Variants in KRT8 observed in about 807,000 individuals in gnomAD.
KRT8 encodes keratin, type II cytoskeletal 8.
A neutral mutation model predicts 43.0 loss-of-function variants in KRT8; 24 were observed. The observed-to-expected ratio is 0.56, with a 90% CI of 0.40 to 0.78. The LOEUF is 0.78. Among genes scored for constraint, KRT8 ranks in the 30% least tolerant of loss-of-function variants. The pLI is 0.00. For missense variants in KRT8, 492 were observed against 638.4 expected (o/e 0.77, Z 2.47); for synonymous variants, 214 against 261.2 (o/e 0.82, Z 1.74).
At chr12:52,907,553 T>A (rs1470783875), upstream of KRT8, among the ~76,000 whole-genome samples, 1 of 152,094 alleles carries the variant, frequency 6.6e-6, no homozygotes, top group Admixed American at 6.5e-5. Context: ...GTTCTAGGAG[T>A]GTCCCTTGTT....
intron 2 of KRT8, chr12:52,949,443 C>T (rs1218729382): frequency 6.2e-7 from 1 of 1,613,194 alleles, no homozygotes; most frequent in South Asian, 1.1e-5. Context: ...TGAACGACCG[C>T]CTGGCCTCTT....
chr12:52,902,803 G>C (rs1347263294), intron 1 of KRT8, among the ~76,000 whole-genome samples: 13 of 152,102 alleles, frequency 8.5e-5, no homozygotes, highest in Non-Finnish European at 1.8e-4. Flanking sequence ...CTTGAAGTCA[G>C]GAGTTCGAGA....
intron 1 of KRT8, chr12:52,903,382 T>A (rs1941423855): frequency 6.6e-6 from 1 of 152,204 alleles, no homozygotes. Context: ...CTGCTCTCTA[T>A]AAGGACCCCA....
At position 52,947,212 on chromosome 12, in the gene KRT8, C is replaced by G. The variant is rs138416673; in HGVS notation, c.-47+2244G>C. ...GGGATGGTCATTCAGCTTCAGGGGG[C>G]AGGCAGCATGAAAGCCTCCCTACCT... On this transcript the variant is annotated intron_variant, in intron 2 of 6. Transcript: ENST00000546826. The G allele has an allele frequency of 2.0e-5, 3 of 152,424 alleles. No individual in the cohort carries two copies. The East Asian group carries it at 5.8e-4, about 29-fold the overall frequency. 9.4% of individuals were successfully genotyped at this position (152,424 alleles called of 1,614,324 possible).
At chr12:52,948,372 G>A (rs1372222275) in intron 2 of KRT8, 3 of 152,336 alleles carry the variant, frequency 2.0e-5, no homozygotes, top group Admixed American at 1.3e-4. Flanking sequence ...GACTCCTGGG[G>A]CTCCAGGATG....
chr12:52,941,483 T>C (rs1942267647), intron 2 of KRT8, among the ~76,000 whole-genome samples: 1 of 129,434 alleles, frequency 7.7e-6, no homozygotes, highest in Non-Finnish European at 1.7e-5. Context: ...TTGCTCTTTT[T>C]TTTTTTTTTT....
chr12:52,915,290 G>A (rs924441951), intron 2 of KRT8, among the ~76,000 whole-genome samples: 5 of 151,096 alleles, frequency 3.3e-5, no homozygotes, highest in Admixed American at 1.3e-4. Flanking sequence ...GGAGAATGGC[G>A]TGAACCCCAG....
chr12:52,938,157 TATATATATATA>T (rs1942203552), intron 2 of KRT8, among the ~76,000 whole-genome samples: 4 of 34,334 alleles, frequency 1.2e-4, no homozygotes, highest in East Asian at 1.8e-3. Flanking sequence ...TATATATATA[TATATATATATA>T]TATTTTTTTT....
intron 2 of KRT8, among the ~76,000 whole-genome samples, chr12:52,940,285 T>C (rs923185522): frequency 1.3e-5 from 2 of 151,814 alleles, no homozygotes; most frequent in African/African-American, 2.4e-5. Context: ...TATAAAAAAT[T>C]AGCCGGACGT....
chr12:52,913,338 G>A (rs1941672341), intron 2 of KRT8, among the ~76,000 whole-genome samples: 1 of 152,156 alleles, frequency 6.6e-6, no homozygotes, highest in South Asian at 2.1e-4. Context: ...GCCCTAACCT[G>A]ATTCTGGTAT....
intron 2 of KRT8, among the ~76,000 whole-genome samples, chr12:52,935,764 C>T (rs1288219141): frequency 6.6e-6 from 1 of 151,968 alleles, no homozygotes; most frequent in African/African-American, 2.4e-5. Flanking sequence ...CTGCCTCTGC[C>T]TCCCAACAGC....
At chr12:52,910,418 G>A (rs1941611685), upstream of KRT8, among the ~76,000 whole-genome samples, 1 of 152,200 alleles carries the variant, frequency 6.6e-6, no homozygotes, top group Non-Finnish European at 1.5e-5. Flanking sequence ...AGCACTGCAG[G>A]TTCCTGCTTA....
chr12:52,936,519 T>C (rs1291618166), intron 2 of KRT8, among the ~76,000 whole-genome samples: 2 of 152,122 alleles, frequency 1.3e-5, no homozygotes, highest in South Asian at 2.1e-4. Flanking sequence ...GTTTTTGTTG[T>C]TGTTGTTGTT....
At chr12:52,899,040 C>T in intron 5 of KRT8, 141 bp from the exon 6 acceptor site, 2 of 753,648 alleles carry the variant, frequency 2.7e-6, no homozygotes, top group South Asian at 1.5e-5. Context: ...AAGGGCCGGG[C>T]ACAGTGGCTC....
At chr12:52,902,759 C>T (rs1941405364) in intron 1 of KRT8, among the ~76,000 whole-genome samples, 1 of 152,056 alleles carries the variant, frequency 6.6e-6, no homozygotes, top group Non-Finnish European at 1.5e-5. Context: ...CGCTTGTAAT[C>T]CCAGCACTTT....
At position 52,939,034 on chromosome 12, in the gene KRT8, A is replaced by G. The variant is rs185693561; in HGVS notation, c.-47+10422T>C. Among the ~76,000 whole-genome samples, 3 of 152,232 alleles carry G rather than the reference A, an allele frequency of 2.0e-5. No homozygotes were observed. The East Asian group carries it at 5.8e-4, about 29-fold the overall frequency. ...CAGGAGTTCCAGGCTATAGTAAGCTATGACAGAACCACTATACTCCAACCT... is the reference window on the plus strand; with the variant it reads ...CAGGAGTTCCAGGCTATAGTAAGCTGTGACAGAACCACTATACTCCAACCT... On this transcript the variant is annotated intron_variant, in intron 2 of 6. Transcript: ENST00000546826.
chr12:52,910,139 G>T (rs2120608222), upstream of KRT8, among the ~76,000 whole-genome samples: 1 of 152,280 alleles, frequency 6.6e-6, no homozygotes, highest in East Asian at 1.9e-4. Context: ...TCATCCCACT[G>T]GGTGAGCATG....
Position 52,915,784 on chromosome 12 carries a change from A to C in KRT8, c.-46-10757T>G, listed in dbSNP as rs529013103. On this transcript the variant is annotated intron_variant, in intron 2 of 6. Coordinates refer to the KRT8 transcript ENST00000546826. ...GGCAGAAACAACAGATGTTCACTAC[A>C]TATGCTAACCAAAATGTACACCAAT... Among the ~76,000 whole-genome samples the C allele has an allele frequency of 2.6e-5, 4 of 152,302 alleles. No individual in the cohort carries two copies. In the South Asian group the frequency reaches 6.2e-4, roughly 24 times the overall value.
intron 2 of KRT8, among the ~76,000 whole-genome samples, chr12:52,943,705 C>A (rs1236576771): frequency 6.6e-6 from 1 of 152,318 alleles, no homozygotes; most frequent in Admixed American, 6.5e-5. Context: ...TGTGTAAAGG[C>A]CCCGCAGGTT....
Sources: gnomAD v4.1 joint callset for allele counts (sites outside exome capture counted in the v4.1 genomes callset) on GRCh38, gnomAD v4.1.1 for gene constraint, MANE v1.5 for transcripts, NCBI Gene and HGNC (gene_info 2026-07-23, HGNC 2026-07-21) for gene names.